BMPR1A: variants seen among roughly 807,000 people sequenced by gnomAD.
BMPR1A encodes bone morphogenetic protein receptor type-1A.
BMPR1A carries 7 observed loss-of-function variants against 66.0 expected under a neutral mutation model. That is an observed-to-expected ratio of 0.11 (90% CI 0.06 to 0.20). The LOEUF (loss-of-function observed/expected upper bound fraction) is 0.20, where lower values mean the gene tolerates loss of function less well. BMPR1A is among the 10% of genes least tolerant of loss of function. BMPR1A has a pLI of 1.00. For missense variants in BMPR1A, 408 were observed against 669.1 expected (o/e 0.61, Z 4.31); for synonymous variants, 200 against 229.7 (o/e 0.87, Z 1.17).
chr10:86,829,230 A>G (rs1345441463), intron 1 of BMPR1A, among the ~76,000 whole-genome samples: 1 of 152,172 alleles, frequency 6.6e-6, no homozygotes, highest in African/African-American at 2.4e-5. Flanking sequence ...GTACACACAT[A>G]TGTATATACA....
rs183874550 is a variant in BMPR1A, at chr10:86,866,756, C to A, written c.-152-9111C>A. ...TACAGGGTTCAGTAAAAAATAACTTCCAGTTTCCTGTTTAACATATGTGCT... is the reference window on the plus strand; with the variant it reads ...TACAGGGTTCAGTAAAAAATAACTTACAGTTTCCTGTTTAACATATGTGCT... On this transcript the variant is annotated intron_variant, in intron 2 of 12. Transcript: ENST00000372037. 4.1e-4 allele frequency among the ~76,000 whole-genome samples: 62 copies of A among 151,618 alleles called. No individual in the cohort carries two copies. In the East Asian group the frequency reaches 0.01, roughly 26 times the overall value.
At chr10:86,801,382 C>T (rs796673130) in intron 1 of BMPR1A, among the ~76,000 whole-genome samples, 1 of 152,178 alleles carries the variant, frequency 6.6e-6, no homozygotes, top group African/African-American at 2.4e-5. Context: ...CTCAAGCCAT[C>T]CACCCACCTT....
intron 1 of BMPR1A, among the ~76,000 whole-genome samples, chr10:86,828,800 T>C: frequency 6.6e-6 from 1 of 152,098 alleles, no homozygotes; most frequent in East Asian, 1.9e-4. Flanking sequence ...AAAAAATATA[T>C]ATACAATAAT....
chr10:86,892,857 T>A (rs1843172351), intron 5 of BMPR1A, among the ~76,000 whole-genome samples: 3 of 142,496 alleles, frequency 2.1e-5, no homozygotes, highest in Non-Finnish European at 1.5e-5. Context: ...AGCAAGACCC[T>A]GTCTCAAAAA....
intron 3 of BMPR1A, 85 bp from the exon 4 acceptor site, chr10:86,889,977 T>G (rs1162938815): frequency 6.9e-7 from 1 of 1,454,148 alleles, no homozygotes; most frequent in African/African-American, 1.4e-5. Flanking sequence ...TAAGAAAGCT[T>G]AACAACTTTT....
rs906777546 is a variant in BMPR1A at position 86,849,166 on chromosome 10, C to T, written c.-153+10187C>T. Among the ~76,000 whole-genome samples, 4 of 152,210 alleles carry T rather than the reference C, an allele frequency of 2.6e-5. 1 individual carries two copies. Among genetic ancestry groups the T allele is most frequent in the Non-Finnish European group, 5.9e-5 (4 of 68,036 alleles). On this transcript the variant is annotated intron_variant, in intron 2 of 12. Transcript: ENST00000372037. ...AATCTTATGAATTAATTCCTGCCTACACTTAATCATTCTTTATTCCTTTGT... is the reference window on the plus strand; with the variant it reads ...AATCTTATGAATTAATTCCTGCCTATACTTAATCATTCTTTATTCCTTTGT...
intron 5 of BMPR1A, among the ~76,000 whole-genome samples, chr10:86,895,696 C>T (rs907603072): frequency 2.0e-5 from 3 of 152,084 alleles, no homozygotes; most frequent in African/African-American, 7.2e-5. Flanking sequence ...TTCATGAATT[C>T]GTGAACTGAT....
chr10:86,786,569 A>G (rs1232329739), intron 1 of BMPR1A, among the ~76,000 whole-genome samples: 1 of 152,166 alleles, frequency 6.6e-6, no homozygotes, highest in East Asian at 1.9e-4. Flanking sequence ...TCCCCATCTC[A>G]GTCTTTTGTC....
chr10:86,839,676 A>AT (rs1032329020), intron 2 of BMPR1A, among the ~76,000 whole-genome samples: 146 of 145,082 alleles, frequency 1.0e-3, no homozygotes, highest in African/African-American at 1.4e-3. Context: ...AGAATTCAGA[A>AT]TTTTTTTTTT....
downstream of BMPR1A, chr10:86,929,443 T>C (rs117070966): frequency 0.042 from 6,441 of 152,320 alleles, 200 homozygotes; most frequent in South Asian, 0.077. Flanking sequence ...CCACCGCCAG[T>C]CAGGGCTGTT....
intron 2 of BMPR1A, among the ~76,000 whole-genome samples, chr10:86,850,182 A>T (rs1048912979): frequency 1.3e-5 from 2 of 152,098 alleles, no homozygotes; most frequent in Non-Finnish European, 2.9e-5. Flanking sequence ...TTAGCCAGGC[A>T]TGGTGGTGCA....
At position 86,765,788 on chromosome 10, in the gene BMPR1A, A is replaced by G. The variant is rs184183985; in HGVS notation, c.-268+8869A>G. ...AATGAAGTAATGAAAGTCTTCTGTA[A>G]TCATGCTTCACCTGTGCCCCAAGAT... On this transcript the variant is annotated intron_variant, in intron 1 of 12. Coordinates refer to ENST00000372037, the MANE Select transcript of BMPR1A (RefSeq NM_004329.3). Among the ~76,000 whole-genome samples the G allele has an allele frequency of 9.8e-5, 15 of 152,286 alleles. No homozygotes were observed. In the East Asian group the frequency reaches 2.7e-3, roughly 27 times the overall value.
chr10:86,809,735 G>A (rs1297570285), intron 1 of BMPR1A, among the ~76,000 whole-genome samples: 2 of 151,322 alleles, frequency 1.3e-5, no homozygotes, highest in Admixed American at 6.6e-5. Context: ...GAGCCAGGAC[G>A]CCTACCCGCA....
chr10:86,903,700 C>T (rs1029243525), intron 7 of BMPR1A, among the ~76,000 whole-genome samples: 2 of 151,986 alleles, frequency 1.3e-5, no homozygotes, highest in African/African-American at 4.8e-5. Context: ...CAAGCTCCAC[C>T]TCCCGGGTTT....
At chr10:86,757,106 G>C (rs1003667770) in intron 1 of BMPR1A, among the ~76,000 whole-genome samples, 187 bp downstream of exon 1, 8 of 151,304 alleles carry the variant, frequency 5.3e-5, no homozygotes, top group Non-Finnish European at 7.4e-5. Flanking sequence ...GAGACCCACG[G>C]CACCCCGCGC....
intron 2 of BMPR1A, chr10:86,856,135 A>G (rs2133208172): frequency 1.9e-6 from 1 of 521,666 alleles, no homozygotes; most frequent in East Asian, 5.1e-5. Context: ...GAAATTTTAT[A>G]TTTAATTCCC....
intron 8 of BMPR1A, among the ~76,000 whole-genome samples, chr10:86,913,167 C>T (rs1383778529): frequency 6.6e-6 from 1 of 152,056 alleles, no homozygotes; most frequent in African/African-American, 2.4e-5. Flanking sequence ...CTCTGTCACC[C>T]AGGCTGGAGT....
At chr10:86,902,846 C>T (rs1843332542) in intron 7 of BMPR1A, among the ~76,000 whole-genome samples, 1 of 151,956 alleles carries the variant, frequency 6.6e-6, no homozygotes, top group Non-Finnish European at 1.5e-5. Context: ...GGAAAGAGCA[C>T]CTGAAATGAT....
intron 1 of BMPR1A, among the ~76,000 whole-genome samples, chr10:86,757,316 A>G (rs1447610982): frequency 3.3e-5 from 5 of 152,150 alleles, no homozygotes; most frequent in Non-Finnish European, 7.4e-5. Context: ...AGGGGAGAAC[A>G]AAATGAGTTT....
Sources: gnomAD v4.1 joint callset for allele counts (sites outside exome capture counted in the v4.1 genomes callset) on GRCh38, gnomAD v4.1.1 for gene constraint, MANE v1.5 for transcripts, NCBI Gene and HGNC (gene_info 2026-07-23, HGNC 2026-07-21) for gene names.